Variants in RPS6KC1 observed in about 807,000 individuals in gnomAD.
RPS6KC1 encodes ribosomal protein S6 kinase C1.
A neutral mutation model predicts 103.8 loss-of-function variants in RPS6KC1; 54 were observed. The ratio of observed to expected loss-of-function variants is 0.52; its 90% CI spans 0.42 to 0.65. The LOEUF (loss-of-function observed/expected upper bound fraction) is 0.65, where lower values mean the gene tolerates loss of function less well. Among genes scored for constraint, RPS6KC1 ranks in the 30% least tolerant of loss-of-function variants. The pLI is 0.00. For synonymous variants in RPS6KC1, 439 were observed against 438.7 expected (o/e 1.00, Z -0.01); for missense variants, 1,151 against 1,253.8 (o/e 0.92, Z 1.24).
At chr1:213,128,654 A>T (rs1284718337) in intron 5 of RPS6KC1, among the ~76,000 whole-genome samples, 1 of 152,196 alleles carries the variant, frequency 6.6e-6, no homozygotes, top group Admixed American at 6.5e-5. Flanking sequence ...AGAAGCTTGT[A>T]GAAGAGGCTG....
At chr1:213,683,805 T>G in the RPS6KC1 span, among the ~76,000 whole-genome samples, 1 of 152,042 alleles carries the variant, frequency 6.6e-6, no homozygotes, top group Non-Finnish European at 1.5e-5. Context: ...GGAAAGAGCC[T>G]CCCTGAAACC....
the RPS6KC1 span, among the ~76,000 whole-genome samples, chr1:213,804,588 AAT>A: frequency 6.6e-6 from 1 of 152,098 alleles, no homozygotes; most frequent in Non-Finnish European, 1.5e-5. Context: ...ACCCAATTCT[AAT>A]ATCTTTTCCA....
chr1:213,272,605 CCT>C lies in RPS6KC1; in HGVS notation c.3173_3174del (p.Pro1058ArgfsTer20). ...TATCAAATCTCATCCATTTTTTACC[CCT>C]GTGGATTGGGCAGAACTGATGAGAT... The part of the protein sequence containing the change: ...EDIKSHPFFT[P>X]VDWAELMR On this transcript the variant is annotated frameshift_variant, in exon 15 of 15. Coordinates refer to ENST00000366960, the MANE Select transcript of RPS6KC1 (RefSeq NM_012424.6). LOFTEE classifies it high-confidence loss of function. 1 of 1,613,522 alleles carries C rather than the reference CCT, an allele frequency of 6.2e-7. No individual in the cohort carries two copies. Among genetic ancestry groups the C allele is most frequent in the Non-Finnish European group, 8.5e-7 (1 of 1,179,590 alleles).
At position 213,138,277 on chromosome 1, in the gene RPS6KC1, A is replaced by AT. The variant is rs959171703; in HGVS notation, c.835+8399dup. Among the ~76,000 whole-genome samples, 930 of 148,374 alleles carry AT rather than the reference A, an allele frequency of 6.3e-3. 11 individuals are homozygous for AT. Among genetic ancestry groups the AT allele is most frequent in the African/African-American group, 0.019 (767 of 40,636 alleles). The stretch of plus-strand genomic sequence containing the variant: ...TGTTGTACTTTATAGCACTTTGCAG[A>AT]TTTTTTTTTTTAAAACCAAATAGAA... On this transcript the variant is annotated intron_variant, in intron 6 of 14. Transcript: ENST00000366960.
intron 3 of RPS6KC1, among the ~76,000 whole-genome samples, chr1:213,101,249 C>T (rs2081996370): frequency 6.6e-6 from 1 of 152,152 alleles, no homozygotes; most frequent in Non-Finnish European, 1.5e-5. Context: ...TCTGTCTGTT[C>T]ATGTCCTTTG....
At chr1:213,071,988 T>G (rs1051132868) in intron 2 of RPS6KC1, among the ~76,000 whole-genome samples, 1 of 152,214 alleles carries the variant, frequency 6.6e-6, no homozygotes, top group African/African-American at 2.4e-5. Context: ...ACTGAGGAGC[T>G]TGCTGCTTTG....
intron 5 of RPS6KC1, among the ~76,000 whole-genome samples, chr1:213,119,006 A>G: frequency 6.6e-6 from 1 of 152,042 alleles, no homozygotes; most frequent in East Asian, 1.9e-4. Context: ...TGTGATTCTA[A>G]TAGAACCAGT....
At chr1:213,826,406 T>C in the RPS6KC1 span, among the ~76,000 whole-genome samples, 1 of 152,218 alleles carries the variant, frequency 6.6e-6, no homozygotes, top group Non-Finnish European at 1.5e-5. Flanking sequence ...ACAGTTTGCT[T>C]AGAGAAAAAT....
the RPS6KC1 span, among the ~76,000 whole-genome samples, chr1:213,579,642 T>C: frequency 7.2e-5 from 11 of 152,154 alleles, no homozygotes; most frequent in East Asian, 1.5e-3. Context: ...CCTCCAAATA[T>C]TAAAGCACAG....
At chr1:213,764,975 C>T in the RPS6KC1 span, among the ~76,000 whole-genome samples, 1 of 152,166 alleles carries the variant, frequency 6.6e-6, no homozygotes, top group African/African-American at 2.4e-5. Flanking sequence ...GTCTCTCTCA[C>T]CATCCATTCT....
the RPS6KC1 span, among the ~76,000 whole-genome samples, chr1:213,540,755 C>T: frequency 6.6e-6 from 1 of 152,304 alleles, no homozygotes; most frequent in Admixed American, 6.5e-5. Flanking sequence ...TAACATTTTA[C>T]CCACAGTAGA....
At chr1:213,089,897 A>G (rs1471533799) in intron 3 of RPS6KC1, among the ~76,000 whole-genome samples, 1 of 152,236 alleles carries the variant, frequency 6.6e-6, no homozygotes, top group African/African-American at 2.4e-5. Flanking sequence ...ATACATTCAT[A>G]AGACTGAAAC....
In RPS6KC1 at chr1:213,080,855, G is replaced by A. The variant is rs534927209; in HGVS notation, c.262+3039G>A. On this transcript the variant is annotated intron_variant, in intron 3 of 14. Coordinates refer to ENST00000366960, the MANE Select transcript of RPS6KC1 (RefSeq NM_012424.6). ...GCTGGGATTATAAGCGTGAGCCACC[G>A]CACCCTGCCTTATTAACGTTATTAT... 3.8e-4 allele frequency among the ~76,000 whole-genome samples: 58 copies of A among 152,296 alleles called. No individual in the cohort carries two copies. The South Asian group carries it at 0.011, about 30-fold the overall frequency.
chr1:213,133,965 A>AT (rs2085961655), intron 6 of RPS6KC1, among the ~76,000 whole-genome samples: 1 of 151,818 alleles, frequency 6.6e-6, no homozygotes, highest in Non-Finnish European at 1.5e-5. Context: ...AGTATTTGTC[A>AT]TTTTTCCTTC....
intron 3 of RPS6KC1, among the ~76,000 whole-genome samples, chr1:213,100,549 A>G (rs2081929253): frequency 6.6e-6 from 1 of 152,128 alleles, no homozygotes; most frequent in Non-Finnish European, 1.5e-5. Flanking sequence ...TGAATATAGT[A>G]CCCAATAGAT....
the RPS6KC1 span, among the ~76,000 whole-genome samples, chr1:213,420,735 T>C: frequency 1.3e-5 from 2 of 152,178 alleles, no homozygotes; most frequent in Non-Finnish European, 2.9e-5. Flanking sequence ...TTAGCTTGTT[T>C]GGGATGCCGA....
chr1:213,862,720 C>A, the RPS6KC1 span, among the ~76,000 whole-genome samples: 2 of 152,146 alleles, frequency 1.3e-5, no homozygotes, highest in Admixed American at 6.5e-5. Context: ...TAAAAAGAGA[C>A]CACTAATTAT....
the RPS6KC1 span, among the ~76,000 whole-genome samples, chr1:213,423,778 G>A: frequency 2.0e-5 from 3 of 152,064 alleles, no homozygotes; most frequent in Admixed American, 6.5e-5. Flanking sequence ...GGGGGCTGGT[G>A]GGGAAGGCAG....
the RPS6KC1 span, among the ~76,000 whole-genome samples, chr1:213,660,829 A>C: frequency 6.6e-6 from 1 of 152,168 alleles, no homozygotes; most frequent in South Asian, 2.1e-4. Flanking sequence ...AAATAATGCA[A>C]CTGGTTTTAT....
Sources: gnomAD v4.1 joint callset for allele counts (sites outside exome capture counted in the v4.1 genomes callset) on GRCh38, gnomAD v4.1.1 for gene constraint, MANE v1.5 for transcripts, NCBI Gene and HGNC (gene_info 2026-07-23, HGNC 2026-07-21) for gene names.